PUM3: variants seen among roughly 807,000 people sequenced by gnomAD.
The protein encoded by PUM3 is pumilio homolog 3.
A neutral mutation model predicts 84.0 loss-of-function variants in PUM3; 91 were observed. The observed-to-expected ratio is 1.08, with a 90% CI of 0.91 to 1.29. The LOEUF (loss-of-function observed/expected upper bound fraction) is 1.29. Among genes scored for constraint, PUM3 ranks in the 50% most tolerant of loss-of-function variants. The pLI, the probability that PUM3 is intolerant of heterozygous loss-of-function variation, is 0.00. For missense variants in PUM3, 1,067 were observed against 767.5 expected, an observed-to-expected ratio of 1.39 and a Z score of -4.61; for synonymous variants, 321 against 266.7, an observed-to-expected ratio of 1.20 and a Z score of -1.98.
chr9:2,837,525 GCAA>G, intron 2 of PUM3, 124 bp from the exon 3 acceptor site: 1 of 630,564 alleles, frequency 1.6e-6, no homozygotes, highest in Non-Finnish European at 2.7e-6. Flanking sequence ...TCTCAAATAT[GCAA>G]CATATAGCCT....
chr9:2,804,703 A>G (rs919534557), intron 17 of PUM3, among the ~76,000 whole-genome samples: 1 of 152,236 alleles, frequency 6.6e-6, no homozygotes, highest in Non-Finnish European at 1.5e-5. Flanking sequence ...TAGGACCAAC[A>G]TCATTCCATA....
chr9:2,828,856 C>T, intron 8 of PUM3, 78 bp from the exon 9 acceptor site: 1 of 815,670 alleles, frequency 1.2e-6, no homozygotes, highest in Non-Finnish European at 2.1e-6. Context: ...AGTAATTAGT[C>T]ATTTTAAAAT....
chr9:2,804,460 G>A lies in PUM3; in HGVS notation c.1818C>T (p.Leu606=), dbSNP rs1821222068. 2 of 1,608,708 alleles carry A rather than the reference G, an allele frequency of 1.2e-6. No individual in the cohort carries two copies. The highest frequency in any genetic ancestry group is 8.5e-7 in the Non-Finnish European group (1 of 1,178,306). The change falls in exon 18 of 18, where the codon CTC becomes CTT. Residue 606 remains leucine, a synonymous_variant. Transcript: ENST00000397885. ...CAACTTCCAGGTCACAACTCTGGAG[G>A]AGGCTGAAGAGAGGAAAAAAATTAA... ...VNRGAIILSS[L]LQSCDLEVAN...
At chr9:2,832,605 G>A (rs1423969659) in intron 5 of PUM3, among the ~76,000 whole-genome samples, 1 of 152,194 alleles carries the variant, frequency 6.6e-6, no homozygotes, top group Non-Finnish European at 1.5e-5. Flanking sequence ...CAGGGTAGTT[G>A]AGAAAGAATC....
chr9:2,815,918 C>A (rs1333034362), intron 13 of PUM3, among the ~76,000 whole-genome samples: 2 of 152,180 alleles, frequency 1.3e-5, no homozygotes, highest in Admixed American at 1.3e-4. Flanking sequence ...AAAAGACTTC[C>A]CTTCTGAAGA....
intron 1 of PUM3, among the ~76,000 whole-genome samples, chr9:2,841,312 G>C (rs931379976): frequency 1.3e-5 from 2 of 152,174 alleles, no homozygotes; most frequent in Admixed American, 6.5e-5. Flanking sequence ...GGCTTGCATG[G>C]TGGCTCACAC....
intron 12 of PUM3, among the ~76,000 whole-genome samples, chr9:2,820,736 G>C (rs757435438): frequency 1.1e-4 from 17 of 152,144 alleles, no homozygotes; most frequent in Non-Finnish European, 1.9e-4. Flanking sequence ...CACTGAATGA[G>C]AATGATATAA....
At position 2,804,375 on chromosome 9, in the gene PUM3, T is replaced by G. The variant is rs145258798; in HGVS notation, c.1903A>C (p.Thr635Pro). 63 of 1,613,912 alleles carry G rather than the reference T, an allele frequency of 3.9e-5. No individual in the cohort carries two copies. The highest frequency in any genetic ancestry group is 5.3e-5 in the Non-Finnish European group (63 of 1,179,970). Reference protein sequence around the residue: ...LIPTLEKTKSTSKGIEILLEK... With the variant: ...LIPTLEKTKSPSKGIEILLEK... ...AGTAGAATTTCTATTCCTTTGCTGG[T>G]GCTTTTGGTTTTTTCCAATGTAGGA... Residue 635 changes from threonine to proline, a missense_variant, in exon 18 of 18, where the codon ACC becomes CCC. Physicochemically the swap from Thr to Pro is conservative, Grantham distance 38 (BLOSUM62 -1). Coordinates refer to ENST00000397885, the MANE Select transcript of PUM3 (RefSeq NM_014878.5).
intron 3 of PUM3, among the ~76,000 whole-genome samples, chr9:2,835,200 G>T (rs557749383): frequency 6.6e-6 from 1 of 152,124 alleles, no homozygotes; most frequent in Non-Finnish European, 1.5e-5. Context: ...ATCATTTGAG[G>T]CCAGGAGTTT....
intron 5 of PUM3, among the ~76,000 whole-genome samples, chr9:2,832,136 CAA>C (rs1411404668): frequency 1.3e-5 from 2 of 152,146 alleles, no homozygotes; most frequent in African/African-American, 2.4e-5. Flanking sequence ...ATACTTCCAT[CAA>C]AGTCATAAAT....
intron 15 of PUM3, 86 bp from the exon 16 acceptor site, chr9:2,810,517 C>G (rs1473744225): frequency 1.4e-5 from 13 of 912,244 alleles, no homozygotes; most frequent in Middle Eastern, 3.2e-4. Context: ...TTTATGCCAC[C>G]ACATACAGAT....
intron 17 of PUM3, among the ~76,000 whole-genome samples, chr9:2,807,542 G>A (rs1202199195): frequency 7.6e-6 from 1 of 131,178 alleles, no homozygotes; most frequent in Non-Finnish European, 1.5e-5. Context: ...GGTTGAGGCT[G>A]CAGTGAGCTG....
In PUM3 at chr9:2,804,187, T is replaced by G. The variant is rs888097818; in HGVS notation, c.*144A>C. The G allele has an allele frequency of 2.5e-5, 18 of 730,298 alleles. No homozygotes were observed. Among genetic ancestry groups the G allele is most frequent in the Non-Finnish European group, 3.7e-5 (18 of 483,822 alleles). 45.2% of individuals were successfully genotyped at this position (730,298 alleles called of 1,614,324 possible). A position where few individuals can be genotyped will look rare whatever the true frequency, so the allele number is the denominator to read the frequency against. The stretch of plus-strand genomic sequence containing the variant: ...AGACCATTTAAAAAAACAATTTATA[T>G]AAATAGATTCGTATACAAAGAAGAA... On this transcript the variant is annotated 3_prime_UTR_variant, in exon 18 of 18. Coordinates refer to ENST00000397885, the MANE Select transcript of PUM3 (RefSeq NM_014878.5).
rs1425370696 is a variant in PUM3, at chr9:2,824,702, T to C, written c.1134+15A>G. On this transcript the variant is annotated intron_variant, in intron 11 of 17. Coordinates refer to ENST00000397885, the MANE Select transcript of PUM3 (RefSeq NM_014878.5). ...GACTTGTACAGTTTAAATGCCCAAG[T>C]GCTGTCACACTTACCTTGGGCGTGC... 6.7e-7 allele frequency: 1 copy of C among 1,498,412 alleles called. No individual in the cohort carries two copies. The highest frequency in any genetic ancestry group is 1.4e-5 in the African/African-American group (1 of 72,438). 92.8% of individuals were successfully genotyped at this position (1,498,412 alleles called of 1,614,324 possible). A position where few individuals can be genotyped will look rare whatever the true frequency, so the allele number is the denominator to read the frequency against.
intron 1 of PUM3, among the ~76,000 whole-genome samples, chr9:2,842,835 C>T (rs1816300790): frequency 6.6e-6 from 1 of 152,052 alleles, no homozygotes; most frequent in African/African-American, 2.4e-5. Context: ...TGTTGTTTGC[C>T]CCACAAACAA....
chr9:2,842,290 C>G (rs188769055), intron 1 of PUM3, among the ~76,000 whole-genome samples: 1 of 152,132 alleles, frequency 6.6e-6, no homozygotes, highest in Non-Finnish European at 1.5e-5. Context: ...CTGCTTTGAT[C>G]CACTTTCCGC....
chr9:2,844,059 C>A lies in PUM3; in HGVS notation c.-25G>T, dbSNP rs114710813. On this transcript the variant is annotated 5_prime_UTR_variant, in exon 1 of 18. Transcript: ENST00000397885. ...GCCACACTCACCGCACACGTGGGAC[C>A]GAGACAGCTCGCGCAGCGGATCCCG... is the stretch of plus-strand genomic sequence containing the variant. 6.3e-6 allele frequency: 1 copy of A among 157,794 alleles called. No individual in the cohort carries two copies. The highest frequency in any genetic ancestry group is 2.4e-5 in the African/African-American group (1 of 41,442). 9.8% of individuals were successfully genotyped at this position (157,794 alleles called of 1,614,324 possible). A position where few individuals can be genotyped will look rare whatever the true frequency, so the allele number is the denominator to read the frequency against.
chr9:2,837,771 G>C (rs1459336032), intron 2 of PUM3, among the ~76,000 whole-genome samples: 2 of 152,080 alleles, frequency 1.3e-5, no homozygotes, highest in East Asian at 3.8e-4. Context: ...GAATTTTCAA[G>C]AGTTCAATAA....
At chr9:2,833,262 A>C (rs1382922174) in intron 5 of PUM3, 95 bp downstream of exon 5, 1 of 577,564 alleles carries the variant, frequency 1.7e-6, no homozygotes, top group Non-Finnish European at 3.0e-6. Flanking sequence ...CACCGGAAAC[A>C]ATGATAAGAT....
Sources: allele counts gnomAD v4.1 joint callset (sites outside exome capture counted in the v4.1 genomes callset), GRCh38; gene constraint gnomAD v4.1.1; transcripts MANE v1.5; gene names NCBI Gene and HGNC (gene_info 2026-07-23, HGNC 2026-07-21).